The following BORCS5 variants were observed in gnomAD, a reference collection of about 807,000 sequenced individuals.
BORCS5 encodes the protein BLOC-1-related complex subunit 5.
BORCS5 carries 17 observed loss-of-function variants against 22.1 expected under a neutral mutation model. The ratio of observed to expected loss-of-function variants is 0.77; its 90% CI spans 0.53 to 1.15. The LOEUF is 1.15. Ranked by LOEUF, BORCS5 falls within the 50% of genes most tolerant of loss-of-function variation. BORCS5 has a pLI of 0.00. For missense variants in BORCS5, 247 were observed against 253.2 expected, an observed-to-expected ratio of 0.98 and a Z score of 0.17; for synonymous variants, 117 against 99.8, an observed-to-expected ratio of 1.17 and a Z score of -1.03.
intron 2 of BORCS5, among the ~76,000 whole-genome samples, chr12:12,367,213 A>G (rs1295290299): frequency 6.6e-6 from 1 of 152,256 alleles, no homozygotes; most frequent in Non-Finnish European, 1.5e-5. Context: ...TAAGGAGAGC[A>G]TGATGGAGCT....
intron 3 of BORCS5, among the ~76,000 whole-genome samples, chr12:12,461,549 GA>G (rs1760232836): frequency 2.0e-5 from 3 of 152,120 alleles, no homozygotes; most frequent in African/African-American, 7.2e-5. Flanking sequence ...TATACAAAAT[GA>G]AAGTTTATTC....
intron 2 of BORCS5, among the ~76,000 whole-genome samples, chr12:12,370,455 C>CTTTGT (rs1863502393): frequency 6.6e-6 from 1 of 152,024 alleles, no homozygotes; most frequent in East Asian, 1.9e-4. Flanking sequence ...TTTAATCTAC[C>CTTTGT]TTTATTTCAT....
At chr12:12,387,523 C>G (rs1227488155) in intron 2 of BORCS5, among the ~76,000 whole-genome samples, 1 of 151,338 alleles carries the variant, frequency 6.6e-6, no homozygotes, top group Admixed American at 6.6e-5. Context: ...GTCACTCAGC[C>G]CTCTGATCCG....
At chr12:12,398,586 G>T (rs1941401852) in intron 2 of BORCS5, among the ~76,000 whole-genome samples, 1 of 152,150 alleles carries the variant, frequency 6.6e-6, no homozygotes, top group African/African-American at 2.4e-5. Context: ...GGGAAGAATG[G>T]CCCCTGTAGC....
chr12:12,460,601 G>A (rs1213265890), intron 3 of BORCS5, among the ~76,000 whole-genome samples: 1 of 152,102 alleles, frequency 6.6e-6, no homozygotes, highest in African/African-American at 2.4e-5. Flanking sequence ...ACCAATAACT[G>A]TATTGTCAGC....
At chr12:12,452,235 G>C (rs540904842) in intron 3 of BORCS5, 3 of 736,950 alleles carry the variant, frequency 4.1e-6, no homozygotes, top group Non-Finnish European at 7.0e-6. Context: ...CCCTCAGCCA[G>C]CCTCAGATTT....
chr12:12,457,627 G>A (rs921318286), intron 3 of BORCS5, among the ~76,000 whole-genome samples: 13 of 152,256 alleles, frequency 8.5e-5, no homozygotes, highest in African/African-American at 3.1e-4. Context: ...CCGAGATCGC[G>A]CCACTGCACT....
chr12:12,405,913 G>A (rs942263958), intron 2 of BORCS5, among the ~76,000 whole-genome samples: 3 of 152,266 alleles, frequency 2.0e-5, no homozygotes, highest in Non-Finnish European at 4.4e-5. Flanking sequence ...CAGCAGAAGA[G>A]CTCTAGAATC....
chr12:12,367,883 G>A (rs1455485967), intron 2 of BORCS5, among the ~76,000 whole-genome samples: 2 of 152,172 alleles, frequency 1.3e-5, no homozygotes, highest in Non-Finnish European at 1.5e-5. Flanking sequence ...AACTAGCTTA[G>A]TGGACCTCTT....
intron 2 of BORCS5, among the ~76,000 whole-genome samples, chr12:12,418,820 A>C (rs1418925243): frequency 1.3e-5 from 2 of 152,156 alleles, no homozygotes; most frequent in East Asian, 3.8e-4. Context: ...CCATTCTGTC[A>C]ATCCCTGTCT....
At chr12:12,454,731 T>C (rs1411084742) in intron 3 of BORCS5, among the ~76,000 whole-genome samples, 3 of 152,224 alleles carry the variant, frequency 2.0e-5, no homozygotes, top group African/African-American at 7.2e-5. Flanking sequence ...TTGCCATTCA[T>C]TGTTAGAATA....
intron 2 of BORCS5, among the ~76,000 whole-genome samples, chr12:12,411,562 C>T (rs745908231): frequency 7.9e-5 from 12 of 151,886 alleles, no homozygotes; most frequent in Non-Finnish European, 1.5e-4. Context: ...TTGTGGGCTG[C>T]CTTTTTACTC....
chr12:12,465,019 T>C (rs1943173239), intron 3 of BORCS5, among the ~76,000 whole-genome samples: 4 of 152,184 alleles, frequency 2.6e-5, no homozygotes, highest in South Asian at 4.1e-4. Flanking sequence ...TCGCCCAGGC[T>C]GGAGTGCAGT....
In BORCS5 at chr12:12,468,481, C is replaced by G. The variant is rs1041429755; in HGVS notation, c.*2705C>G. On this transcript the variant is annotated 3_prime_UTR_variant, in exon 4 of 4. Coordinates refer to ENST00000314565, the MANE Select transcript of BORCS5 (RefSeq NM_058169.6). ...ATCTTTGGCAAGCCATTTCATTTCC[C>G]TGAGCCTCAGTTTCCGCCTTCCTAC... 6.6e-6 allele frequency: 1 copy of G among 152,252 alleles called. No homozygotes were observed. Among genetic ancestry groups the G allele is most frequent in the Non-Finnish European group, 1.5e-5 (1 of 68,070 alleles). 9.4% of individuals were successfully genotyped at this position (152,252 alleles called of 1,614,324 possible).
chr12:12,443,722 T>C (rs1942729123), intron 3 of BORCS5, among the ~76,000 whole-genome samples: 1 of 152,260 alleles, frequency 6.6e-6, no homozygotes, highest in Admixed American at 6.5e-5. Flanking sequence ...TCCATTCCGC[T>C]TTTGGACAAT....
At chr12:12,407,679 T>C (rs1027139591) in intron 2 of BORCS5, among the ~76,000 whole-genome samples, 2 of 151,894 alleles carry the variant, frequency 1.3e-5, no homozygotes, top group Admixed American at 6.6e-5. Flanking sequence ...ATTCTACTTA[T>C]TTTCGCCATG....
At position 12,467,059 on chromosome 12, in the gene BORCS5, G is replaced by C. The variant is rs572502837; in HGVS notation, c.*1283G>C. ...TCCTCACGCCTCAGACTCCTGAGTA[G>C]CTGGGATTACAGGTGTGTGCCACCA... On this transcript the variant is annotated 3_prime_UTR_variant, in exon 4 of 4. Transcript: ENST00000314565. The C allele has an allele frequency of 6.6e-6, 1 of 152,290 alleles. No individual in the cohort carries two copies. Among genetic ancestry groups the C allele is most frequent in the Non-Finnish European group, 1.5e-5 (1 of 68,020 alleles). The allele number at this position is 152,290 out of a possible 1,614,324, so 9.4% of individuals were successfully genotyped here.
intron 3 of BORCS5, among the ~76,000 whole-genome samples, chr12:12,457,513 C>CA (rs1364934762): frequency 6.6e-6 from 1 of 152,130 alleles, no homozygotes; most frequent in South Asian, 2.1e-4. Flanking sequence ...ACTAAAAATA[C>CA]AAAAAATTAG....
chr12:12,430,373 G>C (rs144351624), intron 2 of BORCS5, among the ~76,000 whole-genome samples: 1 of 151,924 alleles, frequency 6.6e-6, no homozygotes. Flanking sequence ...GGGTGGTCTC[G>C]ATCTCCTGAC....
Sources: gnomAD v4.1 joint callset for allele counts (sites outside exome capture counted in the v4.1 genomes callset) on GRCh38, gnomAD v4.1.1 for gene constraint, MANE v1.5 for transcripts, NCBI Gene and HGNC (gene_info 2026-07-23, HGNC 2026-07-21) for gene names.